SNX16: variants seen among roughly 807,000 people sequenced by gnomAD.
SNX16 encodes the protein sorting nexin-16.
A neutral mutation model predicts 36.7 loss-of-function variants in SNX16; 35 were observed. That is an observed-to-expected ratio of 0.95 (90% CI 0.73 to 1.27). The LOEUF (loss-of-function observed/expected upper bound fraction) is 1.27. Ranked by LOEUF, SNX16 falls within the 50% of genes most tolerant of loss-of-function variation. SNX16 has a pLI of 0.00. For synonymous variants in SNX16, 134 were observed against 132.0 expected, an observed-to-expected ratio of 1.02 and a Z score of -0.10; for missense variants, 367 against 393.6, an observed-to-expected ratio of 0.93 and a Z score of 0.57.
At chr8:81,822,941 CATATACATATAT>C (rs1810820150) in intron 4 of SNX16, among the ~76,000 whole-genome samples, 1 of 50,532 alleles carries the variant, frequency 2.0e-5, no homozygotes, top group Non-Finnish European at 3.5e-5. Context: ...TATATATATA[CATATACATATAT>C]ATATATATAT....
At position 81,839,914 on chromosome 8, in the gene SNX16, G is replaced by A. The variant is rs761074638; in HGVS notation, c.73C>T (p.Gln25Ter). 6.2e-7 allele frequency: 1 copy of A among 1,613,912 alleles called. No individual in the cohort carries two copies. The highest frequency in any genetic ancestry group is 1.7e-5 in the Admixed American group (1 of 60,014). The change falls in exon 2 of 8, where the codon CAA becomes TAA. Residue 25 changes from glutamine (Q) to a stop codon, truncating the protein, a stop_gained. Coordinates refer to ENST00000345957, the MANE Select transcript of SNX16 (RefSeq NM_152836.3). LOFTEE classifies it high-confidence loss of function. ...SASSFTTNRN[Q>*]RSSSFGSVST... ...ACACTGCCAAAAGAAGAACTTCTTT[G>A]ATTTCTGTTTGTTGTAAAACTGGAA...
intron 2 of SNX16, among the ~76,000 whole-genome samples, chr8:81,833,438 T>C (rs1357549599): frequency 1.3e-5 from 2 of 151,730 alleles, no homozygotes; most frequent in Non-Finnish European, 2.9e-5. Context: ...CATCTAAGGG[T>C]GGGAAACAAG....
At chr8:81,826,507 A>C (rs1044994403) in intron 3 of SNX16, among the ~76,000 whole-genome samples, 3 of 151,910 alleles carry the variant, frequency 2.0e-5, no homozygotes, top group African/African-American at 7.3e-5. Flanking sequence ...ATTTAGAAAA[A>C]AACTCACTTC....
At chr8:81,808,529 C>T (rs1810076308) in intron 5 of SNX16, 3 of 978,926 alleles carry the variant, frequency 3.1e-6, no homozygotes, top group South Asian at 2.6e-5. Context: ...ATGGAAGCAA[C>T]TTTGGAGGTG....
intron 2 of SNX16, among the ~76,000 whole-genome samples, chr8:81,831,007 C>T (rs2130742864): frequency 6.6e-6 from 1 of 152,266 alleles, no homozygotes; most frequent in Admixed American, 6.5e-5. Flanking sequence ...CAAAAATAAG[C>T]ATAGGGAAGC....
Position 81,829,453 on chromosome 8 carries a change from C to A in SNX16, c.439G>T (p.Asp147Tyr). The A allele has an allele frequency of 1.4e-6, 2 of 1,423,588 alleles. No homozygotes were observed. The highest frequency in any genetic ancestry group is 1.7e-5 in the South Asian group (1 of 58,440). 88.2% of individuals were successfully genotyped at this position (1,423,588 alleles called of 1,614,324 possible). ...ESWVVFRRYT[D>Y]FSRLNDKLKE... Reference sequence around the variant, plus strand: ...ACTTTGTCATTAAGCCTAGAGAAGTCAGTGTATCTTCTGAAAACTACCCAG... The same window carrying A: ...ACTTTGTCATTAAGCCTAGAGAAGTAAGTGTATCTTCTGAAAACTACCCAG... The change falls in exon 3 of 8, where the codon GAC becomes TAC. Residue 147 changes from aspartate (D) to tyrosine (Y), a missense_variant. Physicochemically the swap from Asp to Tyr is radical, Grantham distance 160. Transcript: ENST00000345957.
chr8:81,817,551 ACTTT>A (rs367955963), intron 4 of SNX16, among the ~76,000 whole-genome samples: 3 of 152,142 alleles, frequency 2.0e-5, no homozygotes, highest in African/African-American at 7.2e-5. Flanking sequence ...TCTATGCTTT[ACTTT>A]CTTTAATCAG....
chr8:81,818,349 A>G (rs939449120), intron 4 of SNX16, among the ~76,000 whole-genome samples: 7 of 152,100 alleles, frequency 4.6e-5, no homozygotes, highest in Non-Finnish European at 1.0e-4. Flanking sequence ...TTAAAAAAAT[A>G]AAAACAACTT....
At chr8:81,813,449 C>T (rs1810351039) in intron 5 of SNX16, among the ~76,000 whole-genome samples, 1 of 151,464 alleles carries the variant, frequency 6.6e-6, no homozygotes, top group Non-Finnish European at 1.5e-5. Context: ...CCAAAATAGA[C>T]CATAAACCTA....
At chr8:81,824,931 T>C (rs753031521) in intron 3 of SNX16, among the ~76,000 whole-genome samples, 1 of 152,188 alleles carries the variant, frequency 6.6e-6, no homozygotes, top group Non-Finnish European at 1.5e-5. Flanking sequence ...CTTACATCTA[T>C]AGTGGATGAT....
chr8:81,819,841 T>C (rs1328931750), intron 4 of SNX16, among the ~76,000 whole-genome samples: 3 of 152,106 alleles, frequency 2.0e-5, no homozygotes, highest in Non-Finnish European at 4.4e-5. Context: ...TTAACATCCA[T>C]TCAATTCGTA....
chr8:81,827,369 T>G (rs917803830), intron 3 of SNX16, among the ~76,000 whole-genome samples: 1 of 152,148 alleles, frequency 6.6e-6, no homozygotes, highest in Non-Finnish European at 1.5e-5. Context: ...TTGAAATTAG[T>G]CTGCATGATC....
rs1869079 is a variant in SNX16, at chr8:81,817,721, A to G, written c.612-2327T>C. 2.1e-3 allele frequency among the ~76,000 whole-genome samples: 326 copies of G among 152,254 alleles called. 1 individual carries two copies. The highest frequency in any genetic ancestry group is 7.3e-3 in the African/African-American group (305 of 41,572). ...TTTTCTTTCTAAGGAGAGGACACAC[A>G]AGAATCTCTGGAAGATGGTAGTAAT... On this transcript the variant is annotated intron_variant, in intron 4 of 7. Transcript: ENST00000345957.
intron 1 of SNX16, chr8:81,841,556 G>A (rs565748654): frequency 2.2e-4 from 34 of 151,782 alleles, no homozygotes; most frequent in African/African-American, 8.2e-4. Flanking sequence ...GCCTGGCTGG[G>A]GGGAGGTCGC....
At chr8:81,814,464 C>T (rs1260014487) in intron 5 of SNX16, among the ~76,000 whole-genome samples, 1 of 151,886 alleles carries the variant, frequency 6.6e-6, no homozygotes, top group African/African-American at 2.4e-5. Flanking sequence ...TCAGTGGTTG[C>T]CTTGGGCTGG....
intron 2 of SNX16, among the ~76,000 whole-genome samples, chr8:81,832,645 A>T (rs1340265725): frequency 6.6e-6 from 1 of 152,072 alleles, no homozygotes; most frequent in Non-Finnish European, 1.5e-5. Context: ...ATGTACAATT[A>T]TGTAGGCTAC....
intron 5 of SNX16, among the ~76,000 whole-genome samples, chr8:81,806,228 A>G (rs1809937217): frequency 6.6e-6 from 1 of 152,210 alleles, no homozygotes; most frequent in Admixed American, 6.5e-5. Context: ...TTTTGATGCC[A>G]GACCCAACAA....
intron 5 of SNX16, among the ~76,000 whole-genome samples, chr8:81,813,563 C>T (rs911871673): frequency 2.6e-5 from 4 of 151,386 alleles, no homozygotes; most frequent in Non-Finnish European, 3.0e-5. Flanking sequence ...AAAGCATAAG[C>T]CATTAAAAAA....
At chr8:81,832,960 C>A (rs1392884507) in intron 2 of SNX16, among the ~76,000 whole-genome samples, 1 of 151,392 alleles carries the variant, frequency 6.6e-6, no homozygotes, top group African/African-American at 2.4e-5. Flanking sequence ...CACTTTTGGT[C>A]ACACATGGCA....
Sources: gnomAD v4.1 joint callset for allele counts (sites outside exome capture counted in the v4.1 genomes callset) on GRCh38, gnomAD v4.1.1 for gene constraint, MANE v1.5 for transcripts, NCBI Gene and HGNC (gene_info 2026-07-23, HGNC 2026-07-21) for gene names.